SLC35E4: variants seen among roughly 807,000 people sequenced by gnomAD.
The protein encoded by SLC35E4 is solute carrier family 35, member E4.
A neutral mutation model predicts 19.3 loss-of-function variants in SLC35E4; 15 were observed. The observed-to-expected ratio is 0.78, with a 90% CI of 0.52 to 1.20. SLC35E4 has a LOEUF of 1.20. SLC35E4 is among the 50% of genes most tolerant of loss of function. The probability of loss-of-function intolerance (pLI) is 0.00; values close to 1 mark genes in which losing one functional copy is unlikely to be tolerated. For missense variants in SLC35E4, 406 were observed against 472.3 expected, an observed-to-expected ratio of 0.86 and a Z score of 1.30; for synonymous variants, 219 against 219.9, an observed-to-expected ratio of 1.00 and a Z score of 0.04.
At chr22:30,659,512 T>G (rs1268909641) in intron 2 of SLC35E4, among the ~76,000 whole-genome samples, 1 of 152,090 alleles carries the variant, frequency 6.6e-6, no homozygotes, top group Non-Finnish European at 1.5e-5. Context: ...TAGCTGTGAT[T>G]ACAGGCGCCC....
intron 1 of SLC35E4, among the ~76,000 whole-genome samples, chr22:30,642,863 A>G (rs1015026263): frequency 2.0e-5 from 3 of 151,612 alleles, no homozygotes; most frequent in Non-Finnish European, 4.4e-5. Context: ...CCCCGTCTCT[A>G]CTAAAAAATA....
intron 2 of SLC35E4, among the ~76,000 whole-genome samples, chr22:30,655,864 A>G (rs2088329384): frequency 1.3e-5 from 2 of 152,114 alleles, no homozygotes; most frequent in Non-Finnish European, 2.9e-5. Context: ...ACCTCTTAAC[A>G]TTCCTCCCAA....
intron 1 of SLC35E4, among the ~76,000 whole-genome samples, chr22:30,639,726 C>T (rs753697701): frequency 5.3e-5 from 8 of 152,196 alleles, no homozygotes; most frequent in Admixed American, 6.5e-5. Context: ...CCCGGCTCAC[C>T]GGCAGTCAGA....
intron 2 of SLC35E4, among the ~76,000 whole-genome samples, chr22:30,653,421 G>A (rs1043607839): frequency 1.3e-5 from 2 of 151,058 alleles, no homozygotes; most frequent in Non-Finnish European, 3.0e-5. Context: ...ACCCAGACTG[G>A]AGTGCAGTGG....
In SLC35E4 at chr22:30,636,680, G is replaced by A; in HGVS notation, c.230G>A (p.Gly77Glu). The part of the protein sequence containing the change: ...NKWIFTVHGF[G>E]RPLLLSALHM... Reference sequence around the variant, plus strand: ...TGGATCTTCACAGTGCACGGCTTTGGGCGGCCCCTGCTGCTGTCGGCCCTG... The same window carrying A: ...TGGATCTTCACAGTGCACGGCTTTGAGCGGCCCCTGCTGCTGTCGGCCCTG... Residue 77 changes from glycine to glutamate, a missense_variant, in exon 1 of 2, where the codon GGG (glycine) becomes GAG (glutamate). Coordinates refer to ENST00000343605, the MANE Select transcript of SLC35E4 (RefSeq NM_001001479.4). The A allele has an allele frequency of 6.2e-7, 1 of 1,611,950 alleles. No homozygotes were observed. Among genetic ancestry groups the A allele is most frequent in the Non-Finnish European group, 8.5e-7 (1 of 1,179,102 alleles).
intron 2 of SLC35E4, among the ~76,000 whole-genome samples, chr22:30,655,465 A>C (rs531319389): frequency 5.3e-5 from 8 of 151,296 alleles, no homozygotes; most frequent in African/African-American, 1.9e-4. Context: ...GAAAAAAAGA[A>C]GCCACTAGCC....
chr22:30,644,261 T>G (rs1206973911), intron 1 of SLC35E4, among the ~76,000 whole-genome samples: 2 of 152,142 alleles, frequency 1.3e-5, no homozygotes, highest in African/African-American at 4.8e-5. Flanking sequence ...GGAATGAAAT[T>G]GAGAGAGAAA....
chr22:30,651,888 T>C (rs1602085574), downstream of SLC35E4, among the ~76,000 whole-genome samples: 1 of 152,182 alleles, frequency 6.6e-6, no homozygotes, highest in Admixed American at 6.5e-5. Flanking sequence ...CATTAAGTTG[T>C]AGTCAAGATG....
chr22:30,661,056 G>T (rs1569067502), intron 2 of SLC35E4, among the ~76,000 whole-genome samples: 1 of 152,118 alleles, frequency 6.6e-6, no homozygotes, highest in Non-Finnish European at 1.5e-5. Flanking sequence ...GGCCAGGCTG[G>T]TCTCGAACAC....
At chr22:30,659,123 C>CAAAAAAAAA (rs35939188) in intron 2 of SLC35E4, among the ~76,000 whole-genome samples, 3 of 104,748 alleles carry the variant, frequency 2.9e-5, no homozygotes, top group Middle Eastern at 4.4e-3. Flanking sequence ...GACTCCATCT[C>CAAAAAAAAA]AAAAAAAAAA....
rs1267718650 is a variant in SLC35E4, at chr22:30,646,743, G to T, written c.765G>T (p.Trp255Cys). The change falls in exon 2 of 2, where the codon TGG becomes TGT. Residue 255 changes from tryptophan (W) to cysteine (C), a missense_variant. Physicochemically the swap from Trp to Cys is radical, Grantham distance 215. Transcript: ENST00000343605. ...CCACTGCTGGCGACTCTCGCCTCTG[G>T]GCCTGCATCCTGCTCAGCTGCCTCC... is the stretch of plus-strand genomic sequence containing the variant. ...PPPTAGDSRL[W>C]ACILLSCLLS... 4.3e-6 allele frequency: 7 copies of T among 1,613,658 alleles called. No homozygotes were observed. Among genetic ancestry groups the T allele is most frequent in the Non-Finnish European group, 5.9e-6 (7 of 1,179,918 alleles).
chr22:30,644,458 C>T (rs2088095976), intron 1 of SLC35E4, among the ~76,000 whole-genome samples: 1 of 152,168 alleles, frequency 6.6e-6, no homozygotes, highest in Non-Finnish European at 1.5e-5. Flanking sequence ...AATGTCATTT[C>T]AGCCAGGCGC....
At chr22:30,640,179 C>G (rs769106036) in intron 1 of SLC35E4, among the ~76,000 whole-genome samples, 2 of 152,042 alleles carry the variant, frequency 1.3e-5, no homozygotes, top group Admixed American at 1.3e-4. Context: ...TCAAGACCAT[C>G]CTGGCCAACG....
chr22:30,640,749 G>T (rs557865147), intron 1 of SLC35E4, among the ~76,000 whole-genome samples: 1 of 152,330 alleles, frequency 6.6e-6, no homozygotes, highest in Admixed American at 6.5e-5. Context: ...TTTTATCTGG[G>T]CCTCAGTTTC....
chr22:30,660,027 A>G (rs939726375), intron 2 of SLC35E4, among the ~76,000 whole-genome samples: 4 of 152,206 alleles, frequency 2.6e-5, no homozygotes, highest in African/African-American at 7.2e-5. Context: ...CTACCCTGCA[A>G]CTGCAATACA....
chr22:30,656,336 TC>T (rs1285676348), intron 2 of SLC35E4, among the ~76,000 whole-genome samples: 2 of 152,198 alleles, frequency 1.3e-5, no homozygotes, highest in African/African-American at 4.8e-5. Flanking sequence ...TGCTTCAAGG[TC>T]AAGAGCTACC....
chr22:30,653,733 TTC>T (rs1317494857), intron 2 of SLC35E4: 4 of 152,108 alleles, frequency 2.6e-5, no homozygotes, highest in South Asian at 2.1e-4. Context: ...GGCTGGGAAT[TTC>T]TGTTTGTATG....
chr22:30,646,991 G>A lies in SLC35E4; in HGVS notation c.1013G>A (p.Arg338Gln), dbSNP rs368736019. ...TTCGTGGCCTCCTGGGCTGCCCGTC[G>A]GGGGCTGTGGCGGAGGGACCAGCCC... The part of the protein sequence containing the change: ...CEFVASWAAR[R>Q]GLWRRDQPSK... The change falls in exon 2 of 2, where the codon CGG (arginine) becomes CAG (glutamine). Residue 338 changes from arginine to glutamine, a missense_variant. Coordinates refer to ENST00000343605, the MANE Select transcript of SLC35E4 (RefSeq NM_001001479.4). 1.2e-5 allele frequency: 20 copies of A among 1,612,108 alleles called. No individual in the cohort carries two copies. The highest frequency in any genetic ancestry group is 4.5e-5 in the East Asian group (2 of 44,890).
chr22:30,650,681 G>A (rs186887719), downstream of SLC35E4, among the ~76,000 whole-genome samples: 3 of 152,216 alleles, frequency 2.0e-5, no homozygotes, highest in Admixed American at 2.0e-4. Flanking sequence ...AATGGACAAA[G>A]GCCTAGGAAG....
Sources: gnomAD v4.1 joint callset for allele counts (sites outside exome capture counted in the v4.1 genomes callset) on GRCh38, gnomAD v4.1.1 for gene constraint, MANE v1.5 for transcripts, NCBI Gene and HGNC (gene_info 2026-07-23, HGNC 2026-07-21) for gene names.